MED14: variants seen among roughly 807,000 people sequenced by gnomAD.
MED14 encodes the protein mediator of RNA polymerase II transcription subunit 14.
Under a neutral mutation model 109.0 loss-of-function variants are expected in MED14, and 8 were observed. That is an observed-to-expected ratio of 0.07 (90% confidence interval 0.04 to 0.13). The LOEUF (loss-of-function observed/expected upper bound fraction) is 0.13. Ranked by LOEUF, MED14 falls within the 10% of genes least tolerant of loss-of-function variation. The pLI is 1.00. For missense variants in MED14, 711 were observed against 1,142.4 expected (o/e 0.62, Z 5.44); for synonymous variants, 399 against 408.7 (o/e 0.98, Z 0.29).
intron 23 of MED14, among the ~76,000 whole-genome samples, chrX:40,670,490 G>C (rs1038653944): frequency 1.8e-5 from 2 of 111,939 alleles, no homozygotes; most frequent in African/African-American, 6.5e-5. Context: ...GGCCGGGCGC[G>C]GTGGCTCACG....
At chrX:40,695,267 A>G (rs1417717518) in intron 13 of MED14, among the ~76,000 whole-genome samples, 1 of 112,182 alleles carries the variant, frequency 8.9e-6, no homozygotes, top group Non-Finnish European at 1.9e-5. Context: ...ACTCATGCTA[A>G]AAAGTCTGTA....
At position 40,710,069 on chromosome X, in the gene MED14, A is replaced by G; in HGVS notation, c.1083T>C (p.Ile361=). 1 of 1,186,750 alleles carries G rather than the reference A, an allele frequency of 8.4e-7. No homozygotes were observed. Among genetic ancestry groups the G allele is most frequent in the Admixed American group, 2.3e-5 (1 of 43,668 alleles). Residue 361 remains isoleucine (I), a synonymous_variant, in exon 9 of 31, where the codon ATT becomes ATC. Transcript: ENST00000324817. Reference sequence around the variant, plus strand: ...AAGGCTTGGAGACATCATTCTCATCAATTTTAATTGTAACTTTGTGAACAG... The same window carrying G: ...AAGGCTTGGAGACATCATTCTCATCGATTTTAATTGTAACTTTGTGAACAG... ...TASVHKVTIK[I]DENDVSKPLQ... is the part of the protein sequence containing the mutation.
At chrX:40,698,845 AAC>A (rs1209763294) in intron 12 of MED14, among the ~76,000 whole-genome samples, 1 of 112,444 alleles carries the variant, frequency 8.9e-6, no homozygotes, top group Non-Finnish European at 1.9e-5. Flanking sequence ...CACTCTGGAA[AAC>A]AGTTTGGCAT....
At chrX:40,685,296 G>A (rs190187300) in intron 16 of MED14, among the ~76,000 whole-genome samples, 11 of 111,977 alleles carry the variant, frequency 9.8e-5, no homozygotes, top group Non-Finnish European at 1.7e-4. Context: ...TGTTGTGAGG[G>A]CTTTTACAAA....
rs755593636 is a variant in MED14, at chrX:40,701,240, T to C, written c.1415A>G (p.Gln472Arg). The change falls in exon 12 of 31, where the codon CAG becomes CGG. Residue 472 changes from glutamine to arginine, a missense_variant. Physicochemically the swap from Gln to Arg is conservative, Grantham distance 43. Transcript: ENST00000324817. Reference sequence around the variant, plus strand: ...CTTCTCCATGTCATCCAGAGTGGCCTGGTCTACAGAATAAAGCACTTCATT... The same window carrying C: ...CTTCTCCATGTCATCCAGAGTGGCCCGGTCTACAGAATAAAGCACTTCATT... ...MFQLMLYGLD[Q>R]ATLDDMEKSV... 3 of 1,185,604 alleles carry C rather than the reference T, an allele frequency of 2.5e-6. No homozygotes were observed. Among genetic ancestry groups the C allele is most frequent in the South Asian group, 3.7e-5 (2 of 54,511 alleles).
chrX:40,707,635 C>A (rs757486170), intron 10 of MED14, among the ~76,000 whole-genome samples: 2 of 110,923 alleles, frequency 1.8e-5, no homozygotes, highest in African/African-American at 6.5e-5. Context: ...CTGTGAACCT[C>A]AAAAAAAATG....
At chrX:40,662,793 T>A in intron 26 of MED14, 132 bp downstream of exon 26, 1 of 485,554 alleles carries the variant, frequency 2.1e-6, no homozygotes, top group Non-Finnish European at 3.4e-6. Flanking sequence ...AGGGTGAAAA[T>A]CATAATTCTA....
At chrX:40,696,976 C>A in intron 13 of MED14, 48 bp downstream of exon 13, 1 of 1,007,432 alleles carries the variant, frequency 9.9e-7, no homozygotes, top group Non-Finnish European at 1.4e-6. Context: ...AAGATACTAA[C>A]AGAATTACTA....
intron 3 of MED14, among the ~76,000 whole-genome samples, chrX:40,721,013 T>C (rs749573403): frequency 1.8e-5 from 2 of 111,118 alleles, no homozygotes; most frequent in Admixed American, 9.5e-5. Flanking sequence ...TAGTATGCCG[T>C]GGACCTTGGG....
At chrX:40,735,791 G>T (rs1390978426), upstream of MED14, 1 of 353,020 alleles carries the variant, frequency 2.8e-6, no homozygotes, top group East Asian at 8.3e-5. Flanking sequence ...CTTCCGACAG[G>T]TCTGTGTCTG....
At chrX:40,733,246 C>T (rs1255461506) in intron 1 of MED14, among the ~76,000 whole-genome samples, 1 of 109,867 alleles carries the variant, frequency 9.1e-6, no homozygotes, top group Non-Finnish European at 1.9e-5. Flanking sequence ...CCTCCACCTT[C>T]CAAGTAGCTG....
At chrX:40,680,946 A>G (rs1400145851) in intron 19 of MED14, 36 bp from the exon 20 acceptor site, 26 of 953,166 alleles carry the variant, frequency 2.7e-5, no homozygotes, top group Non-Finnish European at 3.6e-5. Flanking sequence ...AGAAACTGAG[A>G]AAGTAACAGA....
At chrX:40,688,373 T>C in intron 16 of MED14, 81 bp downstream of exon 16, 1 of 700,402 alleles carries the variant, frequency 1.4e-6, no homozygotes, top group Non-Finnish European at 2.3e-6. Flanking sequence ...CACTGCTTTA[T>C]GTTGTCTCAT....
At position 40,692,859 on chromosome X, in the gene MED14, G is replaced by A. The variant is rs1178805793; in HGVS notation, c.1694C>T (p.Ser565Leu). The A allele has an allele frequency of 1.7e-6, 2 of 1,192,878 alleles. No individual in the cohort carries two copies. The highest frequency in any genetic ancestry group is 1.8e-5 in the African/African-American group (1 of 56,478). The change falls in exon 14 of 31, where the codon TCG (serine) becomes TTG (leucine). Residue 565 changes from serine to leucine, a missense_variant. This residue lies in a region of MED14 where 388 missense variants were observed against 517.3 expected (regional missense o/e 0.75). Transcript: ENST00000324817. ...CACAGACATAAAGTAGTACTTGTACGACAGTTGTGTGGGTTTATTGGGAAC... is the reference window on the plus strand; with the variant it reads ...CACAGACATAAAGTAGTACTTGTACAACAGTTGTGTGGGTTTATTGGGAAC... ...LEVPNKPTQL[S>L]YKYYFMSVNA...
chrX:40,664,877 T>G (rs753875505), intron 24 of MED14, among the ~76,000 whole-genome samples: 1 of 111,671 alleles, frequency 9.0e-6, no homozygotes, highest in East Asian at 2.8e-4. Context: ...CTACTCTAAG[T>G]AGAATGAGGA....
At chrX:40,730,917 G>A (rs1260537329) in intron 1 of MED14, among the ~76,000 whole-genome samples, 1 of 94,938 alleles carries the variant, frequency 1.1e-5, no homozygotes, top group African/African-American at 3.8e-5. Context: ...TGGCGGGGGG[G>A]TGGGGTGCAG....
intron 16 of MED14, among the ~76,000 whole-genome samples, chrX:40,687,360 C>A (rs1278435188): frequency 2.7e-5 from 3 of 111,876 alleles, no homozygotes; most frequent in African/African-American, 9.8e-5. Context: ...CTAATGTGAA[C>A]CACTTCAACA....
intron 23 of MED14, among the ~76,000 whole-genome samples, chrX:40,670,957 T>C (rs1485229939): frequency 8.9e-6 from 1 of 111,890 alleles, no homozygotes; most frequent in African/African-American, 3.2e-5. Flanking sequence ...AATGTATTCT[T>C]TAGTTCAGTG....
At chrX:40,661,039 C>T (rs377371573) in intron 26 of MED14, among the ~76,000 whole-genome samples, 4 of 110,370 alleles carry the variant, frequency 3.6e-5, no homozygotes, top group African/African-American at 9.9e-5. Context: ...CTCAGTCTCC[C>T]GAGTAGCTGG....
Sources: gnomAD v4.1 joint callset for allele counts (sites outside exome capture counted in the v4.1 genomes callset) on GRCh38, gnomAD v4.1.1 for gene constraint, gnomAD v4.1.1 regional missense constraint, MANE v1.5 for transcripts, NCBI Gene and HGNC (gene_info 2026-07-23, HGNC 2026-07-21) for gene names.